Variants in RALGAPA1 observed in about 807,000 individuals in gnomAD.
RALGAPA1 encodes the protein Ral GTPase activating protein catalytic subunit alpha 1, also known as ral GTPase-activating protein subunit alpha-1.
In RALGAPA1, 52 loss-of-function variants were observed where a neutral mutation model predicts 269.6. The observed-to-expected ratio is 0.19, with a 90% confidence interval of 0.15 to 0.24. The LOEUF is 0.24. Ranked by LOEUF, RALGAPA1 falls within the 10% of genes least tolerant of loss-of-function variation. The probability of loss-of-function intolerance (pLI) is 1.00; values close to 1 mark genes in which losing one functional copy is unlikely to be tolerated. For synonymous variants in RALGAPA1, 817 were observed against 1,008.3 expected, an observed-to-expected ratio of 0.81 and a Z score of 3.60; for missense variants, 1,917 against 3,013.9, an observed-to-expected ratio of 0.64 and a Z score of 8.52.
chr14:35,653,293 A>C (rs1359546904), intron 30 of RALGAPA1, among the ~76,000 whole-genome samples: 2 of 152,252 alleles, frequency 1.3e-5, no homozygotes, highest in Non-Finnish European at 2.9e-5. Flanking sequence ...GTAGGTGTTT[A>C]ATAAATATTA....
intron 36 of RALGAPA1, among the ~76,000 whole-genome samples, chr14:35,604,730 T>C (rs2059490144): frequency 6.6e-6 from 1 of 152,128 alleles, no homozygotes; most frequent in South Asian, 2.1e-4. Context: ...ATATAATAAA[T>C]ATATGTGCTT....
intron 13 of RALGAPA1, among the ~76,000 whole-genome samples, chr14:35,726,106 A>C (rs11623645): frequency 0.09 from 13,708 of 152,178 alleles, 987 homozygotes; most frequent in East Asian, 0.37. Context: ...TTGCAAGTCC[A>C]TTCCAGGCAT....
At chr14:35,737,759 CAAAAAAAAAAAAA>C (rs60152249) in intron 12 of RALGAPA1, among the ~76,000 whole-genome samples, 60 of 17,416 alleles carry the variant, frequency 3.4e-3, no homozygotes, top group African/African-American at 9.8e-3. Context: ...AAATCCATCT[CAAAAAAAAAAAAA>C]AAAAAAAAAA....
Position 35,633,990 on chromosome 14 carries a change from A to G in RALGAPA1, c.5995+584T>C, listed in dbSNP as rs2061510362. Among the ~76,000 whole-genome samples the G allele has an allele frequency of 2.0e-5, 3 of 152,316 alleles. No homozygotes were observed. In the South Asian group the frequency reaches 6.2e-4, roughly 32 times the overall value. On this transcript the variant is annotated intron_variant, in intron 33 of 41. Transcript: ENST00000680220. ...TACTTAGTACTTAAAAAAACCTTAG[A>G]GGAAACTAATATTTGCATTTTACAA...
chr14:35,718,114 T>C (rs1180188735), intron 16 of RALGAPA1, among the ~76,000 whole-genome samples: 1 of 152,206 alleles, frequency 6.6e-6, no homozygotes, highest in Non-Finnish European at 1.5e-5. Context: ...TCTAACACTT[T>C]CTATTCCTTT....
At chr14:35,729,829 T>C (rs956479938) in intron 12 of RALGAPA1, among the ~76,000 whole-genome samples, 14 of 152,084 alleles carry the variant, frequency 9.2e-5, no homozygotes, top group Non-Finnish European at 1.5e-4. Context: ...TATTTTAAAA[T>C]ACAATGAAAA....
rs189446062 is a variant in RALGAPA1 at position 35,682,514 on chromosome 14, G to A, written c.4471+1295C>T. ...GTAGAGATGGGGTTTCACCCTATTAGCCAGGATGGTCTCGATCTCCTGACC... is the reference window on the plus strand; with the variant it reads ...GTAGAGATGGGGTTTCACCCTATTAACCAGGATGGTCTCGATCTCCTGACC... On this transcript the variant is annotated intron_variant, in intron 21 of 41. Transcript: ENST00000680220. Among the ~76,000 whole-genome samples the A allele has an allele frequency of 2.7e-4, 41 of 152,206 alleles. 2 individuals are homozygous for A. Among genetic ancestry groups the A allele is most frequent in the Admixed American group, 2.6e-3 (40 of 15,284 alleles).
At chr14:35,615,083 GCAC>G (rs1318347643) in intron 35 of RALGAPA1, among the ~76,000 whole-genome samples, 4 of 151,984 alleles carry the variant, frequency 2.6e-5, no homozygotes, top group African/African-American at 7.2e-5. Flanking sequence ...AGATTAATAT[GCAC>G]CACAATAGTG....
chr14:35,571,254 T>C (rs2057164801), intron 38 of RALGAPA1, among the ~76,000 whole-genome samples: 1 of 152,246 alleles, frequency 6.6e-6, no homozygotes, highest in Non-Finnish European at 1.5e-5. Flanking sequence ...TTTCAAAACT[T>C]AGAAATTCTG....
intron 39 of RALGAPA1, 148 bp downstream of exon 39, chr14:35,570,469 C>T (rs987322182): frequency 1.8e-5 from 12 of 655,120 alleles, no homozygotes; most frequent in African/African-American, 9.6e-5. Flanking sequence ...GAGACAATCC[C>T]GGGAAACATA....
At chr14:35,625,251 T>C in intron 35 of RALGAPA1, 110 bp downstream of exon 35, 1 of 616,370 alleles carries the variant, frequency 1.6e-6, no homozygotes, top group Non-Finnish European at 2.5e-6. Flanking sequence ...CAGAAAGTTA[T>C]AAATCAATAA....
chr14:35,742,979 G>A (rs1302709370), intron 10 of RALGAPA1, among the ~76,000 whole-genome samples: 1 of 152,146 alleles, frequency 6.6e-6, no homozygotes, highest in Non-Finnish European at 1.5e-5. Context: ...TGGACAGGAT[G>A]CCATTCCATT....
chr14:35,752,578 C>T (rs139534642), intron 7 of RALGAPA1, among the ~76,000 whole-genome samples: 59 of 152,210 alleles, frequency 3.9e-4, no homozygotes, highest in African/African-American at 8.7e-4. Context: ...GCAGGGCATC[C>T]ATAAAGGGGG....
At chr14:35,582,487 G>A (rs573660296) in intron 37 of RALGAPA1, among the ~76,000 whole-genome samples, 3 of 152,092 alleles carry the variant, frequency 2.0e-5, no homozygotes, top group Non-Finnish European at 4.4e-5. Flanking sequence ...GTGTCCCACT[G>A]GAGAGAGACA....
chr14:35,751,891 G>A, intron 8 of RALGAPA1, 133 bp downstream of exon 8: 3 of 1,193,370 alleles, frequency 2.5e-6, no homozygotes, highest in Non-Finnish European at 3.2e-6. Flanking sequence ...TATGAATCTA[G>A]GTATCATATC....
At chr14:35,542,172 A>G (rs1024312939) in intron 41 of RALGAPA1, 1 of 384,966 alleles carries the variant, frequency 2.6e-6, no homozygotes, top group Non-Finnish European at 4.7e-6. Flanking sequence ...CTAGAGCTGC[A>G]TTGTCCAATG....
chr14:35,596,133 T>A (rs142605953), intron 36 of RALGAPA1, among the ~76,000 whole-genome samples: 32 of 152,128 alleles, frequency 2.1e-4, no homozygotes, highest in Non-Finnish European at 2.8e-4. Context: ...TGGGGAAAAG[T>A]TAAAATGGTA....
chr14:35,733,177 G>C (rs2070663069), intron 12 of RALGAPA1, among the ~76,000 whole-genome samples: 1 of 152,052 alleles, frequency 6.6e-6, no homozygotes, highest in Non-Finnish European at 1.5e-5. Context: ...AATCAAGATG[G>C]AAATTTAAAA....
intron 17 of RALGAPA1, among the ~76,000 whole-genome samples, chr14:35,698,953 A>C (rs563059518): frequency 6.6e-6 from 1 of 152,300 alleles, no homozygotes; most frequent in South Asian, 2.1e-4. Context: ...ATTAAAATTT[A>C]TATTATTACA....
Sources: allele counts gnomAD v4.1 joint callset (sites outside exome capture counted in the v4.1 genomes callset), GRCh38; gene constraint gnomAD v4.1.1; transcripts MANE v1.5; gene names NCBI Gene and HGNC (gene_info 2026-07-23, HGNC 2026-07-21).